Variants in PCDH15 observed in about 807,000 individuals in gnomAD.
PCDH15 encodes protocadherin-15.
PCDH15 carries 129 observed loss-of-function variants against 178.5 expected under a neutral mutation model. The ratio of observed to expected loss-of-function variants is 0.72; its 90% confidence interval spans 0.63 to 0.84. The LOEUF (loss-of-function observed/expected upper bound fraction) is 0.84, where lower values mean the gene tolerates loss of function less well. PCDH15 is among the 40% of genes least tolerant of loss of function. The pLI, the probability that PCDH15 is intolerant of heterozygous loss-of-function variation, is 0.00. For synonymous variants in PCDH15, 800 were observed against 732.0 expected, an observed-to-expected ratio of 1.09 and a Z score of -1.50; for missense variants, 2,230 against 2,099.9, an observed-to-expected ratio of 1.06 and a Z score of -1.21.
chr10:55,586,122 A>T (rs1842723448), intron 2 of PCDH15, among the ~76,000 whole-genome samples: 1 of 152,118 alleles, frequency 6.6e-6, no homozygotes, highest in South Asian at 2.1e-4. Context: ...TCATTTCATT[A>T]AATCTGAACA....
intron 1 of PCDH15, among the ~76,000 whole-genome samples, chr10:54,796,949 C>A (rs1952083854): frequency 6.6e-6 from 1 of 151,994 alleles, no homozygotes; most frequent in South Asian, 2.1e-4. Context: ...AAACAATTTG[C>A]ATTTCCATAA....
At chr10:54,528,477 T>G in intron 2 of PCDH15, 1 of 1,139,834 alleles carries the variant, frequency 8.8e-7, no homozygotes, top group Non-Finnish European at 1.3e-6. Flanking sequence ...AGAGAATATA[T>G]GTATATATTT....
intron 21 of PCDH15, among the ~76,000 whole-genome samples, chr10:53,982,830 A>T (rs990016814): frequency 2.7e-5 from 4 of 150,658 alleles, no homozygotes; most frequent in Non-Finnish European, 5.9e-5. Flanking sequence ...TAATAATAAA[A>T]AAATATAAAA....
intron 1 of PCDH15, among the ~76,000 whole-genome samples, chr10:54,729,945 T>C (rs1321502387): frequency 6.6e-6 from 1 of 151,676 alleles, no homozygotes; most frequent in Non-Finnish European, 1.5e-5. Context: ...TAAACACCGC[T>C]GGTAGGAGTG....
At chr10:54,439,138 A>AGAG (rs34567431) in intron 3 of PCDH15, among the ~76,000 whole-genome samples, 72,261 of 151,574 alleles carry the variant, frequency 0.48, 17,986 homozygotes, top group Non-Finnish European at 0.52. Flanking sequence ...ATAGTTTAGA[A>AGAG]GAGTTAATAT....
At chr10:55,500,612 A>G (rs925344150) in intron 2 of PCDH15, among the ~76,000 whole-genome samples, 1 of 151,800 alleles carries the variant, frequency 6.6e-6, no homozygotes, top group Non-Finnish European at 1.5e-5. Flanking sequence ...AAGTGATGAC[A>G]ATGCTGCTGG....
chr10:55,374,639 T>C (rs1257955083), intron 2 of PCDH15, among the ~76,000 whole-genome samples: 3 of 151,976 alleles, frequency 2.0e-5, no homozygotes, highest in Admixed American at 1.3e-4. Context: ...TAAATAAATA[T>C]TAATACTATT....
intron 1 of PCDH15, among the ~76,000 whole-genome samples, chr10:55,180,257 A>T (rs1254916839): frequency 2.6e-5 from 4 of 152,150 alleles, no homozygotes; most frequent in Non-Finnish European, 4.4e-5. Flanking sequence ...GATAATTTGT[A>T]AATAATGTAG....
intron 2 of PCDH15, among the ~76,000 whole-genome samples, chr10:55,050,897 A>G (rs1314968408): frequency 6.6e-6 from 1 of 152,102 alleles, no homozygotes; most frequent in Non-Finnish European, 1.5e-5. Flanking sequence ...TATTTGTAGT[A>G]CTGTCAACAT....
At chr10:54,556,722 A>G (rs1057082537) in intron 2 of PCDH15, among the ~76,000 whole-genome samples, 2 of 150,208 alleles carry the variant, frequency 1.3e-5, no homozygotes, top group African/African-American at 2.5e-5. Flanking sequence ...GCCACTCCAT[A>G]GAGATTTCAT....
chr10:53,861,225 A>G (rs1389465572), intron 27 of PCDH15, among the ~76,000 whole-genome samples: 1 of 152,174 alleles, frequency 6.6e-6, no homozygotes. Flanking sequence ...AAATATTTCC[A>G]GAAATTTGCA....
At chr10:54,555,212 G>A (rs1158380799) in intron 2 of PCDH15, among the ~76,000 whole-genome samples, 1 of 152,074 alleles carries the variant, frequency 6.6e-6, no homozygotes, top group Admixed American at 6.6e-5. Flanking sequence ...TGCCACACAT[G>A]CATTCAGTCA....
intron 2 of PCDH15, among the ~76,000 whole-genome samples, chr10:55,338,385 T>G (rs975771949): frequency 5.3e-5 from 8 of 152,118 alleles, no homozygotes. Flanking sequence ...GACCAAGATA[T>G]GGAATCAACT....
At chr10:54,762,573 A>G (rs1948025817) in intron 1 of PCDH15, among the ~76,000 whole-genome samples, 1 of 151,862 alleles carries the variant, frequency 6.6e-6, no homozygotes, top group South Asian at 2.1e-4. Flanking sequence ...CTATAACTTT[A>G]TGTTTGTCTT....
At position 55,141,600 on chromosome 10, in the gene PCDH15, T is replaced by A. The variant is rs145252104; in HGVS notation, c.-80+24976A>T. On this transcript the variant is annotated intron_variant, in intron 2 of 5. Transcript: ENST00000458638. ...ATGCTAGATATCATTATCATTCATC[T>A]GGAAAGTAAAAGTTATTCCAATAGG... is the stretch of plus-strand genomic sequence containing the variant. Among the ~76,000 whole-genome samples, 565 of 152,246 alleles carry A rather than the reference T, an allele frequency of 3.7e-3. 7 individuals carry two copies. The highest frequency in any genetic ancestry group is 0.013 in the African/African-American group (531 of 41,572).
chr10:54,712,983 G>A (rs1024554830), intron 1 of PCDH15, among the ~76,000 whole-genome samples: 3 of 151,974 alleles, frequency 2.0e-5, no homozygotes, highest in Non-Finnish European at 4.4e-5. Context: ...TGAAAATTAC[G>A]AAGATAGCTT....
At chr10:54,998,514 A>C (rs1206384717) in intron 2 of PCDH15, among the ~76,000 whole-genome samples, 1 of 152,158 alleles carries the variant, frequency 6.6e-6, no homozygotes, top group Non-Finnish European at 1.5e-5. Flanking sequence ...AAAATTGAAA[A>C]TGTTTAGATA....
intron 2 of PCDH15, among the ~76,000 whole-genome samples, chr10:55,546,090 G>C (rs896712757): frequency 6.6e-6 from 1 of 151,988 alleles, no homozygotes; most frequent in African/African-American, 2.4e-5. Flanking sequence ...TACAAGATGC[G>C]ACATGTTACT....
At chr10:54,528,324 TA>T in intron 2 of PCDH15, 2 of 1,446,748 alleles carry the variant, frequency 1.4e-6, no homozygotes, top group Non-Finnish European at 1.9e-6. Flanking sequence ...CTAAAGAGAA[TA>T]AAACAAAGAC....
Sources: gnomAD v4.1 joint callset for allele counts (sites outside exome capture counted in the v4.1 genomes callset) on GRCh38, gnomAD v4.1.1 for gene constraint, MANE v1.5 for transcripts, NCBI Gene and HGNC (gene_info 2026-07-23, HGNC 2026-07-21) for gene names.